Variants in CUL5 observed in about 807,000 individuals in gnomAD.
CUL5 encodes the protein cullin 5, also known as cullin-5.
A neutral mutation model predicts 108.8 loss-of-function variants in CUL5; 26 were observed. The ratio of observed to expected loss-of-function variants is 0.24; its 90% confidence interval spans 0.18 to 0.33. The LOEUF is 0.33. CUL5 is among the 10% of genes least tolerant of loss of function. The probability of loss-of-function intolerance (pLI) is 1.00; values close to 1 mark genes in which losing one functional copy is unlikely to be tolerated. For missense variants in CUL5, 524 were observed against 909.2 expected (o/e 0.58, Z 5.45); for synonymous variants, 334 against 298.0 (o/e 1.12, Z -1.25).
At chr11:108,039,331 A>G (rs1565240863) in intron 2 of CUL5, among the ~76,000 whole-genome samples, 1 of 152,076 alleles carries the variant, frequency 6.6e-6, no homozygotes, top group African/African-American at 2.4e-5. Flanking sequence ...GTCCATGCTT[A>G]TGAACTCCAG....
intron 1 of CUL5, among the ~76,000 whole-genome samples, chr11:108,012,915 C>T (rs979227315): frequency 5.3e-5 from 8 of 152,122 alleles, no homozygotes; most frequent in African/African-American, 1.4e-4. Context: ...CAAACTTGTA[C>T]TCTGCCTCTG....
At chr11:108,094,687 A>G (rs983108528) in intron 14 of CUL5, 125 bp from the exon 15 acceptor site, 5 of 882,138 alleles carry the variant, frequency 5.7e-6, no homozygotes, top group Admixed American at 3.3e-5. Context: ...TTATTTCAAA[A>G]CAAAAGGACA....
chr11:108,019,967 A>T (rs4754286), intron 1 of CUL5, among the ~76,000 whole-genome samples: 1 of 151,652 alleles, frequency 6.6e-6, no homozygotes, highest in Non-Finnish European at 1.5e-5. Flanking sequence ...GAGAGGTACC[A>T]GGCTCTTTTT....
At position 108,054,906 on chromosome 11, in the gene CUL5, G is replaced by A. The variant is rs1863334686; in HGVS notation, c.731G>A (p.Arg244Gln). 1 of 1,608,952 alleles carries A rather than the reference G, an allele frequency of 6.2e-7. No homozygotes were observed. The highest frequency in any genetic ancestry group is 8.5e-7 in the Non-Finnish European group (1 of 1,178,804). The change falls in exon 7 of 19, where the codon CGA becomes CAA. Residue 244 changes from arginine to glutamine, a missense_variant. By Grantham distance (43) the Arg-to-Gln change is conservative. Transcript: ENST00000393094. The part of the protein sequence containing the change: ...ADAKLKEEEK[R>Q]ALRYLETRRE... ...GCTAAATTAAAAGAAGAAGAAAAAC[G>A]AGCACTACGTTATTTAGAAACAAGA...
At chr11:108,009,860 C>A (rs1053703641) in intron 1 of CUL5, among the ~76,000 whole-genome samples, 8 of 152,124 alleles carry the variant, frequency 5.3e-5, no homozygotes, top group African/African-American at 1.7e-4. Context: ...GCAGTGCCTC[C>A]CACTCCACCC....
intron 1 of CUL5, among the ~76,000 whole-genome samples, chr11:108,026,529 C>T (rs1862455251): frequency 6.6e-6 from 1 of 152,040 alleles, no homozygotes; most frequent in Non-Finnish European, 1.5e-5. Flanking sequence ...TTGCCTTCTC[C>T]TCTTAGCCTG....
chr11:108,097,664 G>A lies in CUL5; in HGVS notation c.1934G>A (p.Arg645Gln), dbSNP rs1484567561. 7 of 1,612,538 alleles carry A rather than the reference G, an allele frequency of 4.3e-6. No homozygotes were observed. The highest frequency in any genetic ancestry group is 2.2e-5 in the East Asian group (1 of 44,828). ...WSLVAFPKLK[R>Q]QVLLYEPQVN... ...TTAGTAGCTTTCCCAAAACTCAAAC[G>A]GCAAGTTTTGTTGTATGAACCTCAA... Residue 645 changes from arginine (R) to glutamine (Q), a missense_variant, in exon 17 of 19, where the codon CGG (arginine) becomes CAG (glutamine). Arg to Gln is a conservative substitution (Grantham distance 43, BLOSUM62 1). Coordinates refer to ENST00000393094, the MANE Select transcript of CUL5 (RefSeq NM_003478.6).
At chr11:108,088,721 T>A in intron 12 of CUL5, 62 bp downstream of exon 12, 1 of 1,326,182 alleles carries the variant, frequency 7.5e-7, no homozygotes, top group Non-Finnish European at 1.0e-6. Flanking sequence ...GTGTTTTGCT[T>A]ATAGGACTTT....
Position 108,089,472 on chromosome 11 carries a change from T to A in CUL5, c.1312-20T>A. 1 of 1,520,670 alleles carries A rather than the reference T, an allele frequency of 6.6e-7. No individual in the cohort carries two copies. The highest frequency in any genetic ancestry group is 8.8e-7 in the Non-Finnish European group (1 of 1,134,010). The allele number at this position is 1,520,670 out of a possible 1,614,324, so 94.2% of individuals were successfully genotyped here. A position where few individuals can be genotyped will look rare whatever the true frequency, so the allele number is the denominator to read the frequency against. On this transcript the variant is annotated intron_variant, in intron 12 of 18. Transcript: ENST00000393094. ...GGTAAGAGTATATAAGAACTGAAAG[T>A]AACTTTATTTTTCATACAGCTCTTG...
rs754810606 is a variant in CUL5 at position 108,073,475 on chromosome 11, G to A, written c.1091G>A (p.Arg364Gln). The change falls in exon 10 of 19, where the codon CGA (arginine) becomes CAA (glutamine). Residue 364 changes from arginine to glutamine, a missense_variant. Physicochemically the swap from Arg to Gln is conservative, Grantham distance 43. This residue lies in a region of CUL5 where 76 missense variants were observed against 168.3 expected (regional missense o/e 0.45). Transcript: ENST00000393094. The part of the protein sequence containing the change: ...LVKEAFQDDP[R>Q]FLTARDKAYK... The stretch of plus-strand genomic sequence containing the variant: ...AAAGAAGCTTTTCAAGATGATCCAC[G>A]ATTTCTTACTGCAAGAGATAAGGTA... 5.1e-6 allele frequency: 8 copies of A among 1,573,108 alleles called. No homozygotes were observed. Among genetic ancestry groups the A allele is most frequent in the Admixed American group, 1.8e-5 (1 of 57,140 alleles).
At chr11:108,083,504 T>G (rs1864149677) in intron 11 of CUL5, among the ~76,000 whole-genome samples, 1 of 152,202 alleles carries the variant, frequency 6.6e-6, no homozygotes. Flanking sequence ...AGTAGAACAT[T>G]TCTAGGCTGG....
intron 7 of CUL5, among the ~76,000 whole-genome samples, chr11:108,062,650 A>G (rs1265654853): frequency 1.3e-5 from 2 of 151,772 alleles, no homozygotes; most frequent in Non-Finnish European, 2.9e-5. Flanking sequence ...AGACATTTTG[A>G]TACAGGCATG....
intron 1 of CUL5, among the ~76,000 whole-genome samples, chr11:108,016,779 C>A (rs1862202468): frequency 6.6e-6 from 1 of 151,536 alleles, no homozygotes; most frequent in East Asian, 1.9e-4. Flanking sequence ...TGGGCAACCC[C>A]ATTTGTACAA....
intron 18 of CUL5, 120 bp downstream of exon 18, chr11:108,098,649 C>A: frequency 3.1e-6 from 2 of 636,600 alleles, no homozygotes; most frequent in Non-Finnish European, 4.6e-6. Context: ...CAGTGGCCCA[C>A]ACATAATCCC....
chr11:108,091,693 A>T (rs1050692712), intron 13 of CUL5, among the ~76,000 whole-genome samples: 1 of 119,858 alleles, frequency 8.3e-6, no homozygotes, highest in Non-Finnish European at 1.7e-5. Context: ...TGTCTCTCTC[A>T]CTCACACACA....
chr11:108,060,370 T>C (rs1041921222), intron 7 of CUL5, among the ~76,000 whole-genome samples: 1 of 152,152 alleles, frequency 6.6e-6, no homozygotes, highest in African/African-American at 2.4e-5. Context: ...TAGAGTAGAA[T>C]CATAAAGTGG....
In CUL5 at chr11:108,051,516, T is replaced by C. The variant is rs1863219997; in HGVS notation, c.412-1144T>C. Among the ~76,000 whole-genome samples, 3 of 152,196 alleles carry C rather than the reference T, an allele frequency of 2.0e-5. No homozygotes were observed. The South Asian group carries it at 6.2e-4, about 31-fold the overall frequency. ...TACATGCAGACAATACATAGAGCAG[T>C]CCCAGGTATAGAATGAGTGTTATAA... On this transcript the variant is annotated intron_variant, in intron 4 of 18. Transcript: ENST00000393094.
intron 11 of CUL5, among the ~76,000 whole-genome samples, chr11:108,081,608 C>T (rs1353465105): frequency 2.0e-5 from 3 of 151,946 alleles, no homozygotes; most frequent in Admixed American, 2.0e-4. Flanking sequence ...AAAAATTAGC[C>T]AGGCGTGGTG....
intron 13 of CUL5, among the ~76,000 whole-genome samples, chr11:108,091,867 G>T (rs1864372037): frequency 6.6e-6 from 1 of 151,530 alleles, no homozygotes; most frequent in South Asian, 2.1e-4. Flanking sequence ...TGCTCAACAT[G>T]TTGGCTCCTG....
Sources: allele counts gnomAD v4.1 joint callset (sites outside exome capture counted in the v4.1 genomes callset), GRCh38; gene constraint gnomAD v4.1.1; regional missense constraint gnomAD v4.1.1; transcripts MANE v1.5; gene names NCBI Gene and HGNC (gene_info 2026-07-23, HGNC 2026-07-21).